The following KIF4B variants were observed in gnomAD, a reference collection of about 807,000 sequenced individuals.
KIF4B encodes kinesin family member 4B, also known as chromosome-associated kinesin KIF4B.
A neutral mutation model predicts 69.0 loss-of-function variants in KIF4B; 60 were observed. That is an observed-to-expected ratio of 0.87 (90% confidence interval 0.71 to 1.08). The LOEUF is 1.08. Ranked by LOEUF, KIF4B falls within the 50% of genes least tolerant of loss-of-function variation. The pLI is 0.00. For missense variants in KIF4B, 1,357 were observed against 1,451.9 expected, an observed-to-expected ratio of 0.93 and a Z score of 1.06; for synonymous variants, 489 against 533.0, an observed-to-expected ratio of 0.92 and a Z score of 1.14.
In KIF4B at chr5:155,016,948, T is replaced by G. The variant is rs1214040374; in HGVS notation, c.3089T>G (p.Val1030Gly). ...CCACCTAAGCCAAAACCTTCTCGTG[T>G]TAAAGAAAAGTTTCTGGAGCAAAGC... The part of the protein sequence containing the change: ...YIPPKPKPSR[V>G]KEKFLEQSMD... The change falls in exon 1 of 1, where the codon GTT (valine) becomes GGT (glycine). Residue 1030 changes from valine (V) to glycine (G), a missense_variant. Val to Gly is a moderately radical substitution (Grantham distance 109). Coordinates refer to ENST00000435029, the MANE Select transcript of KIF4B (RefSeq NM_001099293.3). 6.2e-7 allele frequency: 1 copy of G among 1,614,172 alleles called. No individual in the cohort carries two copies. Among genetic ancestry groups the G allele is most frequent in the East Asian group, 2.2e-5 (1 of 44,882 alleles).
In KIF4B at chr5:155,015,804, C is replaced by T; in HGVS notation, c.1945C>T (p.Gln649Ter). ...ATGGATGATGAAAAACCAGCGGGTA[C>T]AGTTAATGCGTCAAATGAAAGAGGA... ...EIWMMKNQRV[Q>*]LMRQMKEDAE... The change falls in exon 1 of 1, where the codon CAG (glutamine) becomes TAG (stop). Residue 649 changes from glutamine (Q) to a stop codon, truncating the protein, a stop_gained. Transcript: ENST00000435029. LOFTEE classifies it high-confidence loss of function. 6.2e-7 allele frequency: 1 copy of T among 1,614,104 alleles called. No homozygotes were observed. Among genetic ancestry groups the T allele is most frequent in the Non-Finnish European group, 8.5e-7 (1 of 1,180,020 alleles).
rs1276324168 is a variant in KIF4B at position 155,014,740 on chromosome 5, C to G, written c.881C>G (p.Thr294Ser). ...SFVPYRDSKL[T>S]RLLQDSLGGN... ...GTGCCCTACAGAGATTCCAAGTTAA[C>G]TCGACTGCTGCAAGATTCTCTAGGA... The change falls in exon 1 of 1, where the codon ACT (threonine) becomes AGT (serine). Residue 294 changes from threonine to serine, a missense_variant. By Grantham distance (58) the Thr-to-Ser change is moderately conservative. Transcript: ENST00000435029. 6.2e-7 allele frequency: 1 copy of G among 1,614,134 alleles called. No homozygotes were observed. The highest frequency in any genetic ancestry group is 8.5e-7 in the Non-Finnish European group (1 of 1,180,032).
rs1041081171 is a variant in KIF4B, at chr5:155,017,116, A to G, written c.3257A>G (p.Gln1086Arg). The change falls in exon 1 of 1, where the codon CAA becomes CGA. Residue 1086 changes from glutamine to arginine, a missense_variant. Coordinates refer to ENST00000435029, the MANE Select transcript of KIF4B (RefSeq NM_001099293.3). Reference sequence around the variant, plus strand: ...GTCAAGGTGTCCAGGAAGAACATCCAAGGGTGTTCCTGCAAGGGCTGGTGT... The same window carrying G: ...GTCAAGGTGTCCAGGAAGAACATCCGAGGGTGTTCCTGCAAGGGCTGGTGT... Reference protein sequence around the residue: ...KLVKVSRKNIQGCSCKGWCGN... With the variant: ...KLVKVSRKNIRGCSCKGWCGN... 1 of 1,614,040 alleles carries G rather than the reference A, an allele frequency of 6.2e-7. No individual in the cohort carries two copies. The highest frequency in any genetic ancestry group is 1.3e-5 in the African/African-American group (1 of 74,918).
rs766115792 is a variant in KIF4B, at chr5:155,014,391, G to A, written c.532G>A (p.Glu178Lys). Residue 178 changes from glutamate (E) to lysine (K), a missense_variant, in exon 1 of 1, where the codon GAG becomes AAG. Physicochemically the swap from Glu to Lys is moderately conservative, Grantham distance 56. Coordinates refer to ENST00000435029, the MANE Select transcript of KIF4B (RefSeq NM_001099293.3). The stretch of plus-strand genomic sequence containing the variant: ...AGGCATAAAGATTGTGGGACTCACT[G>A]AGAAGACTGTTTTAGTTGCCTTGGA... ...KEGIKIVGLT[E>K]KTVLVALDTV... 6.2e-7 allele frequency: 1 copy of A among 1,614,216 alleles called. No individual in the cohort carries two copies. The highest frequency in any genetic ancestry group is 2.2e-5 in the East Asian group (1 of 44,886).
Position 155,014,263 on chromosome 5 carries a change from C to T in KIF4B, c.404C>T (p.Thr135Ile), listed in dbSNP as rs1349308241. Residue 135 changes from threonine (T) to isoleucine (I), a missense_variant, in exon 1 of 1, where the codon ACT (threonine) becomes ATT (isoleucine). By Grantham distance (89) the Thr-to-Ile change is moderately conservative. Coordinates refer to ENST00000435029, the MANE Select transcript of KIF4B (RefSeq NM_001099293.3). ...GATAAAAAGAGTGACTTTGAATTTA[C>T]TCTGAAAGTGTCTTACTTAGAGATT... ...EIDKKSDFEFTLKVSYLEIYN... is the reference protein window; with the variant it reads ...EIDKKSDFEFILKVSYLEIYN... 1.2e-6 allele frequency: 2 copies of T among 1,614,060 alleles called. No homozygotes were observed. Among genetic ancestry groups the T allele is most frequent in the Admixed American group, 3.3e-5 (2 of 60,012 alleles).
Position 155,014,464 on chromosome 5 carries a change from C to A in KIF4B, c.605C>A (p.Ser202Tyr), listed in dbSNP as rs1441899352. 4 of 1,614,012 alleles carry A rather than the reference C, an allele frequency of 2.5e-6. No individual in the cohort carries two copies. The highest frequency in any genetic ancestry group is 1.3e-5 in the African/African-American group (1 of 74,890). Reference sequence around the variant, plus strand: ...GGCAACAACTCTAGGACTGTGGCCTCCACAGCTATGAACTCCCAGTCGTCC... The same window carrying A: ...GGCAACAACTCTAGGACTGTGGCCTACACAGCTATGAACTCCCAGTCGTCC... ...EQGNNSRTVA[S>Y]TAMNSQSSRS... Residue 202 changes from serine (S) to tyrosine (Y), a missense_variant, in exon 1 of 1, where the codon TCC (serine) becomes TAC (tyrosine). Ser to Tyr is a moderately radical substitution (Grantham distance 144, BLOSUM62 -2). Transcript: ENST00000435029.
In KIF4B at chr5:155,016,844, C is replaced by G; in HGVS notation, c.2985C>G (p.Ile995Met). The G allele has an allele frequency of 6.2e-7, 1 of 1,614,198 alleles. No homozygotes were observed. The highest frequency in any genetic ancestry group is 8.5e-7 in the Non-Finnish European group (1 of 1,180,048). Reference protein sequence around the residue: ...QENEIIKQKLILLQVASRQKH... With the variant: ...QENEIIKQKLMLLQVASRQKH... ...ATGAAATCATCAAGCAGAAACTGAT[C>G]CTCCTCCAGGTAGCCAGCAGACAGA... The change falls in exon 1 of 1, where the codon ATC becomes ATG. Residue 995 changes from isoleucine (I) to methionine (M), a missense_variant. Physicochemically the swap from Ile to Met is conservative, Grantham distance 10. Coordinates refer to ENST00000435029, the MANE Select transcript of KIF4B (RefSeq NM_001099293.3).
In KIF4B at chr5:155,015,327, A is replaced by G; in HGVS notation, c.1468A>G (p.Thr490Ala). 1 of 1,614,224 alleles carries G rather than the reference A, an allele frequency of 6.2e-7. No homozygotes were observed. Among genetic ancestry groups the G allele is most frequent in the Non-Finnish European group, 8.5e-7 (1 of 1,180,030 alleles). ...TVACTAAAID[T>A]AVEEEAQVET... Reference sequence around the variant, plus strand: ...TGCTTGCACGGCTGCAGCCATTGATACTGCGGTAGAAGAAGAAGCTCAAGT... The same window carrying G: ...TGCTTGCACGGCTGCAGCCATTGATGCTGCGGTAGAAGAAGAAGCTCAAGT... The change falls in exon 1 of 1, where the codon ACT becomes GCT. Residue 490 changes from threonine to alanine, a missense_variant. By Grantham distance (58) the Thr-to-Ala change is moderately conservative (BLOSUM62 0). Coordinates refer to ENST00000435029, the MANE Select transcript of KIF4B (RefSeq NM_001099293.3).
In KIF4B at chr5:155,016,428, A is replaced by G; in HGVS notation, c.2569A>G (p.Ile857Val). ...TAGGCCAAAACAATGCTGGGAGAAT[A>G]TTGCCACCATTCTGGAAGCCAAGTG... ...EDRPKQCWEN[I>V]ATILEAKCAL... The change falls in exon 1 of 1, where the codon ATT becomes GTT. Residue 857 changes from isoleucine (I) to valine (V), a missense_variant. Ile to Val is a conservative substitution (Grantham distance 29). Coordinates refer to ENST00000435029, the MANE Select transcript of KIF4B (RefSeq NM_001099293.3). The G allele has an allele frequency of 1.2e-6, 2 of 1,614,236 alleles. No individual in the cohort carries two copies. Among genetic ancestry groups the G allele is most frequent in the Non-Finnish European group, 1.7e-6 (2 of 1,180,044 alleles).
chr5:155,014,639 T>C lies in KIF4B; in HGVS notation c.780T>C (p.Gly260=). Residue 260 remains glycine (G), a synonymous_variant, in exon 1 of 1, where the codon GGT becomes GGC. Coordinates refer to ENST00000435029, the MANE Select transcript of KIF4B (RefSeq NM_001099293.3). ...TKAEGDRLKE[G]ININRGLLCL... ...CTGAAGGGGATCGTCTAAAAGAGGG[T>C]ATTAATATTAACCGAGGCCTCCTAT... The C allele has an allele frequency of 6.2e-7, 1 of 1,613,994 alleles. No homozygotes were observed. The highest frequency in any genetic ancestry group is 8.5e-7 in the Non-Finnish European group (1 of 1,180,004).
Position 155,015,438 on chromosome 5 carries a change from G to A in KIF4B, c.1579G>A (p.Val527Ile). Residue 527 changes from valine to isoleucine, a missense_variant, in exon 1 of 1, where the codon GTT (valine) becomes ATT (isoleucine). Coordinates refer to ENST00000435029, the MANE Select transcript of KIF4B (RefSeq NM_001099293.3). ...TCAAGCTCAGATGTCTAAGGAGGTG[G>A]TTGAGTTGAATAACGCCCTTGCACT... ...LHQAQMSKEV[V>I]ELNNALALKE... is the part of the protein sequence containing the mutation. 6.2e-7 allele frequency: 1 copy of A among 1,614,202 alleles called. No individual in the cohort carries two copies. The highest frequency in any genetic ancestry group is 8.5e-7 in the Non-Finnish European group (1 of 1,180,054).
Position 155,013,876 on chromosome 5 carries a change from A to G in KIF4B, c.17A>G (p.Lys6Arg). ...GATAGGATCATGAAGGAAGAGGTGAAGGGAATTCCTGTAAGAGTGGCACTG... is the reference window on the plus strand; with the variant it reads ...GATAGGATCATGAAGGAAGAGGTGAGGGGAATTCCTGTAAGAGTGGCACTG... MKEEV[K>R]GIPVRVALRC... The change falls in exon 1 of 1, where the codon AAG (lysine) becomes AGG (arginine). Residue 6 changes from lysine (K) to arginine (R), a missense_variant. Coordinates refer to ENST00000435029, the MANE Select transcript of KIF4B (RefSeq NM_001099293.3). The G allele has an allele frequency of 5.0e-6, 8 of 1,613,546 alleles. No homozygotes were observed. Among genetic ancestry groups the G allele is most frequent in the Non-Finnish European group, 6.8e-6 (8 of 1,180,014 alleles).
chr5:155,014,457 G>A lies in KIF4B; in HGVS notation c.598G>A (p.Val200Met), dbSNP rs188974157. 541 of 1,614,140 alleles carry A rather than the reference G, an allele frequency of 3.4e-4. 4 individuals carry two copies. In the African/African-American group the frequency reaches 6.6e-3, roughly 20 times the overall value. ...GGAGCAGGGCAACAACTCTAGGACTGTGGCCTCCACAGCTATGAACTCCCA... is the reference window on the plus strand; with the variant it reads ...GGAGCAGGGCAACAACTCTAGGACTATGGCCTCCACAGCTATGAACTCCCA... The part of the protein sequence containing the change: ...CLEQGNNSRT[V>M]ASTAMNSQSS... Residue 200 changes from valine (V) to methionine (M), a missense_variant, in exon 1 of 1, where the codon GTG becomes ATG. Val to Met is a conservative substitution (Grantham distance 21). Coordinates refer to ENST00000435029, the MANE Select transcript of KIF4B (RefSeq NM_001099293.3).
In KIF4B at chr5:155,016,324, G is replaced by A. The variant is rs1242938909; in HGVS notation, c.2465G>A (p.Ser822Asn). ...GATTGTATTACAAAACAGATTGAAA[G>A]CCTAGAGACTGAAATGGAACTCAGG... ...SEDCITKQIE[S>N]LETEMELRSA... is the part of the protein sequence containing the mutation. The change falls in exon 1 of 1, where the codon AGC becomes AAC. Residue 822 changes from serine (S) to asparagine (N), a missense_variant. Coordinates refer to ENST00000435029, the MANE Select transcript of KIF4B (RefSeq NM_001099293.3). 2 of 1,614,202 alleles carry A rather than the reference G, an allele frequency of 1.2e-6. No individual in the cohort carries two copies. Among genetic ancestry groups the A allele is most frequent in the Admixed American group, 1.7e-5 (1 of 60,020 alleles).
Position 155,014,588 on chromosome 5 carries a change from A to G in KIF4B, c.729A>G (p.Gly243=), listed in dbSNP as rs1765291483. ...RSKLHLVDLA[G]SERQKKTKAE... is the part of the protein sequence containing the mutation. Reference sequence around the variant, plus strand: ...AGCTGCATCTTGTAGATCTCGCTGGATCAGAAAGACAGAAGAAAACCAAGG... The same window carrying G: ...AGCTGCATCTTGTAGATCTCGCTGGGTCAGAAAGACAGAAGAAAACCAAGG... The change falls in exon 1 of 1, where the codon GGA becomes GGG. Residue 243 remains glycine, a synonymous_variant. Transcript: ENST00000435029. The G allele has an allele frequency of 6.2e-7, 1 of 1,601,416 alleles. No individual in the cohort carries two copies. Among genetic ancestry groups the G allele is most frequent in the Non-Finnish European group, 8.5e-7 (1 of 1,174,534 alleles).
Position 155,014,121 on chromosome 5 carries a change from G to A in KIF4B, c.262G>A (p.Gly88Arg), listed in dbSNP as rs1765280788. The A allele has an allele frequency of 1.2e-6, 2 of 1,614,140 alleles. No homozygotes were observed. The highest frequency in any genetic ancestry group is 1.3e-5 in the African/African-American group (1 of 74,936). ...ATATAATGCAACGGTCCTGGCCTATGGGCAGACTGGCTCTGGAAAAACCTA... is the reference window on the plus strand; with the variant it reads ...ATATAATGCAACGGTCCTGGCCTATAGGCAGACTGGCTCTGGAAAAACCTA... ...KGYNATVLAYGQTGSGKTYSM... is the reference protein window; with the variant it reads ...KGYNATVLAYRQTGSGKTYSM... Residue 88 changes from glycine (G) to arginine (R), a missense_variant, in exon 1 of 1, where the codon GGG (glycine) becomes AGG (arginine). By Grantham distance (125) the Gly-to-Arg change is moderately radical (BLOSUM62 -2). Transcript: ENST00000435029.
Position 155,017,444 on chromosome 5 carries a change from G to A in KIF4B, c.3585G>A (p.Ser1195=), listed in dbSNP as rs1765350285. 6 of 1,613,982 alleles carry A rather than the reference G, an allele frequency of 3.7e-6. No homozygotes were observed. Among genetic ancestry groups the A allele is most frequent in the African/African-American group, 2.7e-5 (2 of 74,898 alleles). Residue 1195 remains serine, a synonymous_variant, in exon 1 of 1, where the codon TCG becomes TCA. Coordinates refer to ENST00000435029, the MANE Select transcript of KIF4B (RefSeq NM_001099293.3). The part of the protein sequence containing the change: ...PAPSPFDLPE[S]KHGATEYQQN... ...CCTCCCCTTTTGACCTCCCAGAGTCGAAACATGGAGCAACAGAATACCAAC... is the reference window on the plus strand; with the variant it reads ...CCTCCCCTTTTGACCTCCCAGAGTCAAAACATGGAGCAACAGAATACCAAC...
Position 155,014,376 on chromosome 5 carries a change from A to G in KIF4B, c.517A>G (p.Ile173Val), listed in dbSNP as rs200470683. ...GGAGGATCCTAAGGAAGGCATAAAG[A>G]TTGTGGGACTCACTGAGAAGACTGT... ...IREDPKEGIK[I>V]VGLTEKTVLV... The change falls in exon 1 of 1, where the codon ATT (isoleucine) becomes GTT (valine). Residue 173 changes from isoleucine to valine, a missense_variant. Ile to Val is a conservative substitution (Grantham distance 29, BLOSUM62 3). Coordinates refer to ENST00000435029, the MANE Select transcript of KIF4B (RefSeq NM_001099293.3). 2.5e-6 allele frequency: 4 copies of G among 1,614,226 alleles called. No individual in the cohort carries two copies. Among genetic ancestry groups the G allele is most frequent in the Non-Finnish European group, 3.4e-6 (4 of 1,180,044 alleles).
rs199579097 is a variant in KIF4B, at chr5:155,015,839, G to C, written c.1980G>C (p.Lys660Asn). 2 of 1,614,218 alleles carry C rather than the reference G, an allele frequency of 1.2e-6. No individual in the cohort carries two copies. The highest frequency in any genetic ancestry group is 3.3e-5 in the Admixed American group (2 of 60,032). Residue 660 changes from lysine to asparagine, a missense_variant, in exon 1 of 1, where the codon AAG becomes AAC. Transcript: ENST00000435029. ...LMRQMKEDAE[K>N]FRQWKQKKDK... The stretch of plus-strand genomic sequence containing the variant: ...GTCAAATGAAAGAGGATGCTGAGAA[G>C]TTTAGACAATGGAAGCAGAAAAAAG...
Sources: allele counts gnomAD v4.1 joint callset, GRCh38; gene constraint gnomAD v4.1.1; transcripts MANE v1.5; gene names NCBI Gene and HGNC (gene_info 2026-07-23, HGNC 2026-07-21).